The following CLRN3 variants were observed in gnomAD, a reference collection of about 807,000 sequenced individuals.
CLRN3 encodes the protein clarin-3.
A neutral mutation model predicts 16.7 loss-of-function variants in CLRN3; 12 were observed. The observed-to-expected ratio is 0.72, with a 90% CI of 0.46 to 1.16. CLRN3 has a LOEUF of 1.16. Among genes scored for constraint, CLRN3 ranks in the 50% most tolerant of loss-of-function variants. The pLI, the probability that CLRN3 is intolerant of heterozygous loss-of-function variation, is 0.00. For synonymous variants in CLRN3, 118 were observed against 113.0 expected (o/e 1.04, Z -0.28); for missense variants, 296 against 274.2 (o/e 1.08, Z -0.56).
chr10:127,883,282 GT>G (rs1845151241), intron 2 of CLRN3, among the ~76,000 whole-genome samples: 1 of 152,054 alleles, frequency 6.6e-6, no homozygotes, highest in Non-Finnish European at 1.5e-5. Context: ...GTGTGTGTGT[GT>G]GTGTGTGCAC....
intron 2 of CLRN3, among the ~76,000 whole-genome samples, chr10:127,879,641 G>C (rs1845103441): frequency 6.6e-6 from 1 of 152,088 alleles, no homozygotes; most frequent in African/African-American, 2.4e-5. Context: ...GATAGCTAAA[G>C]GGCATGGGGT....
rs60008078 is a variant in CLRN3 at position 127,882,377 on chromosome 10, T to C, written c.409+1319A>G. On this transcript the variant is annotated intron_variant, in intron 2 of 2. Transcript: ENST00000368671. Reference sequence around the variant, plus strand: ...TGGTCCACCTGTAGTCCTGGCTTAATGCTTTTCCATTTTAAAAAGCATCCC... The same window carrying C: ...TGGTCCACCTGTAGTCCTGGCTTAACGCTTTTCCATTTTAAAAAGCATCCC... Among the ~76,000 whole-genome samples the C allele has an allele frequency of 4.0e-3, 605 of 152,372 alleles. 8 individuals carry two copies. The highest frequency in any genetic ancestry group is 0.014 in the African/African-American group (583 of 41,582).
chr10:127,883,901 A>G lies in CLRN3; in HGVS notation c.230-26T>C. 1.9e-6 allele frequency: 3 copies of G among 1,606,346 alleles called. 1 individual carries two copies. The South Asian group carries it at 3.3e-5, about 18-fold the overall frequency. ...CTAAAACAATGTTTTGTGAGTGCAT[A>G]GCACATAATGCAAACACCAGCTCTG... On this transcript the variant is annotated intron_variant, in intron 1 of 2. Transcript: ENST00000368671.
At chr10:127,891,858 C>A (rs545571846) in intron 1 of CLRN3, among the ~76,000 whole-genome samples, 1 of 152,246 alleles carries the variant, frequency 6.6e-6, no homozygotes, top group Non-Finnish European at 1.5e-5. Context: ...ACATAATTTA[C>A]AAATGTTTTT....
At chr10:127,890,333 T>C (rs536293525) in intron 1 of CLRN3, among the ~76,000 whole-genome samples, 66 of 152,268 alleles carry the variant, frequency 4.3e-4, no homozygotes, top group African/African-American at 1.4e-3. Flanking sequence ...CACCCTCCAG[T>C]TACACACTGG....
chr10:127,878,535 C>G (rs571080159), intron 2 of CLRN3, 115 bp from the exon 3 acceptor site: 2 of 1,407,658 alleles, frequency 1.4e-6, no homozygotes, highest in Admixed American at 4.5e-5. Flanking sequence ...GGAGTTTACA[C>G]TCTTTTAAGC....
At position 127,883,727 on chromosome 10, in the gene CLRN3, C is replaced by T. The variant is rs758440336; in HGVS notation, c.378G>A (p.Pro126=). 22 of 1,613,628 alleles carry T rather than the reference C, an allele frequency of 1.4e-5. No homozygotes were observed. Among genetic ancestry groups the T allele is most frequent in the African/African-American group, 1.3e-4 (10 of 74,852 alleles). ...GCCCGTTCCAGGTGTACACCCCCGT[C>T]GGCCCCAGGAATGTCTGGTAAGGGT... ...ISNPYQTFLG[P]TGVYTWNGLG... Residue 126 remains proline, a synonymous_variant, in exon 2 of 3, where the codon CCG becomes CCA. Transcript: ENST00000368671.
chr10:127,887,775 C>T (rs1845212823), intron 1 of CLRN3, among the ~76,000 whole-genome samples: 1 of 152,228 alleles, frequency 6.6e-6, no homozygotes, highest in Non-Finnish European at 1.5e-5. Context: ...TCCATAGAAT[C>T]TGACAGCTGC....
intron 1 of CLRN3, among the ~76,000 whole-genome samples, chr10:127,888,276 C>CT (rs1377400718): frequency 1.3e-5 from 2 of 152,194 alleles, no homozygotes; most frequent in African/African-American, 4.8e-5. Flanking sequence ...GGAGCCCAGG[C>CT]TGGTGCCCCA....
chr10:127,886,608 C>T (rs934385251), intron 1 of CLRN3, among the ~76,000 whole-genome samples: 1 of 152,164 alleles, frequency 6.6e-6, no homozygotes, highest in Non-Finnish European at 1.5e-5. Flanking sequence ...AGGAGGAGGG[C>T]AATGTGGATA....
intron 1 of CLRN3, among the ~76,000 whole-genome samples, chr10:127,888,017 G>A (rs551587474): frequency 3.3e-5 from 5 of 152,286 alleles, no homozygotes; most frequent in Admixed American, 6.5e-5. Flanking sequence ...CGGACATCTG[G>A]GCTCCCCATG....
Position 127,878,063 on chromosome 10 carries a change from A to G in CLRN3, c.*86T>C. 1.4e-6 allele frequency: 2 copies of G among 1,468,052 alleles called. No individual in the cohort carries two copies. The highest frequency in any genetic ancestry group is 1.8e-5 in the Admixed American group (1 of 56,116). 90.9% of individuals were successfully genotyped at this position (1,468,052 alleles called of 1,614,324 possible). A position where few individuals can be genotyped will look rare whatever the true frequency, so the allele number is the denominator to read the frequency against. The stretch of plus-strand genomic sequence containing the variant: ...TGTCACAGATGACAGTCACGTTACC[A>G]TGCTGAATTGTCCAGAGAAGCTAAC... On this transcript the variant is annotated 3_prime_UTR_variant, in exon 3 of 3. Coordinates refer to ENST00000368671, the MANE Select transcript of CLRN3 (RefSeq NM_152311.5).
chr10:127,880,142 T>G (rs1344045782), intron 2 of CLRN3, among the ~76,000 whole-genome samples: 4 of 152,226 alleles, frequency 2.6e-5, no homozygotes, highest in Admixed American at 6.5e-5. Context: ...GCCCTGACCC[T>G]CTGAAGCTCT....
chr10:127,892,936 C>T lies in CLRN3; in HGVS notation c.-152G>A, dbSNP rs1591264011. The T allele has an allele frequency of 1.6e-6, 1 of 611,512 alleles. No homozygotes were observed. Among genetic ancestry groups the T allele is most frequent in the Non-Finnish European group, 2.9e-6 (1 of 347,300 alleles). 37.9% of individuals were successfully genotyped at this position (611,512 alleles called of 1,614,324 possible). A position where few individuals can be genotyped will look rare whatever the true frequency, so the allele number is the denominator to read the frequency against. ...TCACTCTTCCTGAGGAAGGGTTATGCTAATGGACATTGAACTCTGAACATG... is the reference window on the plus strand; with the variant it reads ...TCACTCTTCCTGAGGAAGGGTTATGTTAATGGACATTGAACTCTGAACATG... On this transcript the variant is annotated 5_prime_UTR_variant, in exon 1 of 3. Transcript: ENST00000368671.
rs370700963 is a variant in CLRN3 at position 127,883,688 on chromosome 10, C to T, written c.409+8G>A. 149 of 1,601,658 alleles carry T rather than the reference C, an allele frequency of 9.3e-5. 3 individuals carry two copies. In the South Asian group the frequency reaches 1.2e-3, roughly 13 times the overall value. On this transcript the variant is annotated splice_region_variant and intron_variant, in intron 2 of 2. Coordinates refer to ENST00000368671, the MANE Select transcript of CLRN3 (RefSeq NM_152311.5). ...CTGCAGAGCACCGAGTCTCACAGGG[C>T]CACTCACCACCGAGCCCGTTCCAGG...
At chr10:127,892,168 T>C (rs1564780953) in intron 1 of CLRN3, among the ~76,000 whole-genome samples, 1 of 152,242 alleles carries the variant, frequency 6.6e-6, no homozygotes. Flanking sequence ...CCTGCATAGA[T>C]GCCACTTGTG....
intron 1 of CLRN3, among the ~76,000 whole-genome samples, chr10:127,891,747 G>T (rs1332619327): frequency 6.6e-6 from 1 of 152,212 alleles, no homozygotes. Context: ...AGAAAATGAT[G>T]CATATTTATA....
In CLRN3 at chr10:127,878,264, A is replaced by C; in HGVS notation, c.566T>G (p.Leu189Arg). The C allele has an allele frequency of 6.2e-7, 1 of 1,614,240 alleles. No individual in the cohort carries two copies. The highest frequency in any genetic ancestry group is 8.5e-7 in the Non-Finnish European group (1 of 1,180,048). Reference sequence around the variant, plus strand: ...GATGGTTACAGTGACTATATTTAGAAGAATGACGAGCAGTATGAGCCAGAA... The same window carrying C: ...GATGGTTACAGTGACTATATTTAGACGAATGACGAGCAGTATGAGCCAGAA... ...YSFWLILLVI[L>R]LNIVTVTIII... is the part of the protein sequence containing the mutation. Residue 189 changes from leucine to arginine, a missense_variant, in exon 3 of 3, where the codon CTT (leucine) becomes CGT (arginine). By Grantham distance (102) the Leu-to-Arg change is moderately radical (BLOSUM62 -2). Coordinates refer to ENST00000368671, the MANE Select transcript of CLRN3 (RefSeq NM_152311.5).
rs753430153 is a variant in CLRN3 at position 127,878,294 on chromosome 10, T to C, written c.536A>G (p.Tyr179Cys). 7.4e-6 allele frequency: 12 copies of C among 1,614,136 alleles called. No individual in the cohort carries two copies. The African/African-American group carries it at 9.3e-5, about 13-fold the overall frequency. Residue 179 changes from tyrosine to cysteine, a missense_variant, in exon 3 of 3, where the codon TAC becomes TGC. Physicochemically the swap from Tyr to Cys is radical, Grantham distance 194 (BLOSUM62 -2). Coordinates refer to ENST00000368671, the MANE Select transcript of CLRN3 (RefSeq NM_152311.5). ...TSKGTTHSYG[Y>C]SFWLILLVIL... ...GACGAGCAGTATGAGCCAGAACGAG[T>C]ATCCGTAACTGTGGGTCGTTCCTTT...
Sources: allele counts gnomAD v4.1 joint callset (sites outside exome capture counted in the v4.1 genomes callset), GRCh38; gene constraint gnomAD v4.1.1; transcripts MANE v1.5; gene names NCBI Gene and HGNC (gene_info 2026-07-23, HGNC 2026-07-21).